The following ADGRE3 variants were observed in gnomAD, a reference collection of about 807,000 sequenced individuals.
The protein encoded by ADGRE3 is EGF-like module receptor 3.
Under a neutral mutation model 80.1 loss-of-function variants are expected in ADGRE3, and 88 were observed. The ratio of observed to expected loss-of-function variants is 1.10; its 90% CI spans 0.93 to 1.31. The LOEUF (loss-of-function observed/expected upper bound fraction) is 1.31, where lower values mean the gene tolerates loss of function less well. Ranked by LOEUF, ADGRE3 falls within the 40% of genes most tolerant of loss-of-function variation. ADGRE3 has a pLI of 0.00. For synonymous variants in ADGRE3, 281 were observed against 294.8 expected, an observed-to-expected ratio of 0.95 and a Z score of 0.48; for missense variants, 715 against 776.5, an observed-to-expected ratio of 0.92 and a Z score of 0.94.
At position 14,665,452 on chromosome 19, in the gene ADGRE3, C is replaced by T. The variant is rs115145355; in HGVS notation, c.77-1912G>A. ...CTACTGAAACAAGGGTGCAATTGAC[C>T]GTGCACGCAAGTCTTAATGCATTTT... On this transcript the variant is annotated intron_variant, in intron 2 of 15. Transcript: ENST00000253673. 2.6e-3 allele frequency among the ~76,000 whole-genome samples: 391 copies of T among 151,926 alleles called. 1 individual carries two copies. Among genetic ancestry groups the T allele is most frequent in the African/African-American group, 8.8e-3 (366 of 41,430 alleles).
chr19:14,647,169 C>T lies in ADGRE3; in HGVS notation c.882+12G>A. The stretch of plus-strand genomic sequence containing the variant: ...TGAGAACCCACAAGCTCAAATCATA[C>T]CTGTGACCCACCTTCACGTGCTGGA... On this transcript the variant is annotated intron_variant, in intron 8 of 15. Transcript: ENST00000253673. The T allele has an allele frequency of 6.2e-7, 1 of 1,612,136 alleles. No homozygotes were observed. The highest frequency in any genetic ancestry group is 1.1e-5 in the South Asian group (1 of 90,978).
chr19:14,644,015 T>C (rs1971326720), intron 9 of ADGRE3, 93 bp downstream of exon 9: 1 of 832,446 alleles, frequency 1.2e-6, no homozygotes, highest in South Asian at 4.3e-5. Context: ...TCGGCCTTTT[T>C]TCAGTTTTTT....
chr19:14,643,527 T>A (rs1015082494), intron 9 of ADGRE3, among the ~76,000 whole-genome samples: 3 of 151,996 alleles, frequency 2.0e-5, no homozygotes, highest in African/African-American at 7.2e-5. Flanking sequence ...ATGTGAATGA[T>A]CCCCCAATAC....
intron 9 of ADGRE3, among the ~76,000 whole-genome samples, chr19:14,642,212 A>T (rs990271611): frequency 6.6e-6 from 1 of 152,196 alleles, no homozygotes; most frequent in African/African-American, 2.4e-5. Flanking sequence ...ATTTTACCAC[A>T]ATCTTTACAA....
intron 4 of ADGRE3, among the ~76,000 whole-genome samples, chr19:14,661,695 C>A (rs890948914): frequency 1.3e-5 from 2 of 152,102 alleles, no homozygotes; most frequent in East Asian, 3.8e-4. Flanking sequence ...GGAAGGACTG[C>A]CGCCTGTAAA....
At position 14,658,436 on chromosome 19, in the gene ADGRE3, G is replaced by C. The variant is rs949515518; in HGVS notation, c.393+77C>G. The C allele has an allele frequency of 2.8e-6, 3 of 1,057,300 alleles. No homozygotes were observed. In the African/African-American group the frequency reaches 5.0e-5, roughly 18 times the overall value. 65.5% of individuals were successfully genotyped at this position (1,057,300 alleles called of 1,614,324 possible). On this transcript the variant is annotated intron_variant, in intron 5 of 15. Transcript: ENST00000253673. ...TTTTGCCCTAAATCCATCCCCATTT[G>C]CTCACTTTGGGCTTTGTAAATATTT... is the stretch of plus-strand genomic sequence containing the variant.
Position 14,655,114 on chromosome 19 carries a change from A to G in ADGRE3, c.445T>C (p.Trp149Arg), listed in dbSNP as rs924326951. Residue 149 changes from tryptophan to arginine, a missense_variant, in exon 6 of 16, where the codon TGG becomes CGG. Trp to Arg is a moderately radical substitution (Grantham distance 101). Transcript: ENST00000253673. The part of the protein sequence containing the change: ...FESLLTNQTL[W>R]RTEGRQEISS... Reference sequence around the variant, plus strand: ...ATTTCTTGTCTCCCTTCTGTTCTCCATAAAGTCTGATTGGTGAGAAGTGAC... The same window carrying G: ...ATTTCTTGTCTCCCTTCTGTTCTCCGTAAAGTCTGATTGGTGAGAAGTGAC... 6 of 1,613,972 alleles carry G rather than the reference A, an allele frequency of 3.7e-6. No homozygotes were observed. Among genetic ancestry groups the G allele is most frequent in the African/African-American group, 2.7e-5 (2 of 74,930 alleles).
chr19:14,611,089 A>T, the ADGRE3 span: 1 of 151,950 alleles, frequency 6.6e-6, no homozygotes, highest in Admixed American at 6.6e-5. Flanking sequence ...CTCGCACAGA[A>T]ATACATTAAG....
chr19:14,638,137 G>C lies in ADGRE3; in HGVS notation c.1452C>G (p.Ala484=). 1 of 1,614,094 alleles carries C rather than the reference G, an allele frequency of 6.2e-7. No homozygotes were observed. The highest frequency in any genetic ancestry group is 8.5e-7 in the Non-Finnish European group (1 of 1,179,970). The change falls in exon 11 of 16, where the codon GCC becomes GCG. Residue 484 remains alanine, a synonymous_variant. Coordinates refer to ENST00000253673, the MANE Select transcript of ADGRE3 (RefSeq NM_032571.5). Reference sequence around the variant, plus strand: ...CAGTTCCATAAAGGTGAGGCCAGGAGGCTGCAGAAATGGCCACAGTCACAG... The same window carrying C: ...CAGTTCCATAAAGGTGAGGCCAGGACGCTGCAGAAATGGCCACAGTCACAG... The part of the protein sequence containing the change: ...VPAVTVAISA[A]SWPHLYGTAD...
chr19:14,659,884 T>A (rs1363805828), intron 4 of ADGRE3, among the ~76,000 whole-genome samples: 1 of 150,346 alleles, frequency 6.7e-6, no homozygotes, highest in Non-Finnish European at 1.5e-5. Context: ...ACATATCTTT[T>A]ATCATCATGC....
At chr19:14,603,108 T>C in the ADGRE3 span, among the ~76,000 whole-genome samples, 1 of 152,204 alleles carries the variant, frequency 6.6e-6, no homozygotes, top group Admixed American at 6.5e-5. Flanking sequence ...CCTAACTCAG[T>C]TTCACAAGAA....
Position 14,630,140 on chromosome 19 carries a change from G to A in ADGRE3, c.1711C>T (p.Gln571Ter), listed in dbSNP as rs1408987735. 3 of 1,613,670 alleles carry A rather than the reference G, an allele frequency of 1.9e-6. No individual in the cohort carries two copies. Among genetic ancestry groups the A allele is most frequent in the African/African-American group, 2.7e-5 (2 of 74,924 alleles). The change falls in exon 14 of 16, where the codon CAG becomes TAG. Residue 571 changes from glutamine (Q) to a stop codon, truncating the protein, a stop_gained. Coordinates refer to ENST00000253673, the MANE Select transcript of ADGRE3 (RefSeq NM_032571.5). LOFTEE classifies it high-confidence loss of function. ...LGCTWCLGLL[Q>*]VGPAAQVMAY... The stretch of plus-strand genomic sequence containing the variant: ...ATGACCTGGGCAGCTGGACCCACCT[G>A]TAGCAAGCCCAGACACCATGTGCAG...
At chr19:14,602,951 TCTCGAA>T in the ADGRE3 span, among the ~76,000 whole-genome samples, 51 of 152,190 alleles carry the variant, frequency 3.4e-4, 1 homozygote, top group South Asian at 0.011. Context: ...GCCAGATTGG[TCTCGAA>T]CTCCTGACCT....
chr19:14,641,443 C>T lies in ADGRE3; in HGVS notation c.1224G>A (p.Val408=). Residue 408 remains valine (V), a synonymous_variant, in exon 10 of 16, where the codon GTG becomes GTA. Coordinates refer to ENST00000253673, the MANE Select transcript of ADGRE3 (RefSeq NM_032571.5). ...CLFLAHLLFL[V]GIDRTEPKVL... is the part of the protein sequence containing the mutation. ...CCTTGGGTTCAGTTCGATCAATCCC[C>T]ACGAGGAAGAGGAGGTGGGCCAGGA... 6.2e-7 allele frequency: 1 copy of T among 1,614,100 alleles called. No homozygotes were observed. Among genetic ancestry groups the T allele is most frequent in the South Asian group, 1.1e-5 (1 of 91,074 alleles).
At chr19:14,659,586 T>G (rs982771293) in intron 4 of ADGRE3, among the ~76,000 whole-genome samples, 16 of 151,928 alleles carry the variant, frequency 1.1e-4, no homozygotes, top group Non-Finnish European at 1.5e-4. Flanking sequence ...CTTGGGAGGC[T>G]GAGGCAGGAG....
Position 14,619,387 on chromosome 19 carries a change from G to T in ADGRE3, c.*46C>A. On this transcript the variant is annotated 3_prime_UTR_variant, in exon 16 of 16. Transcript: ENST00000253673. ...TAGCTTCATTCTTCATAATGCCAAA[G>T]AGATCCATGGATATGATTTTCCATA... The T allele has an allele frequency of 7.6e-7, 1 of 1,307,894 alleles. No individual in the cohort carries two copies. Among genetic ancestry groups the T allele is most frequent in the Non-Finnish European group, 1.1e-6 (1 of 903,414 alleles). 81.0% of individuals were successfully genotyped at this position (1,307,894 alleles called of 1,614,324 possible). A position where few individuals can be genotyped will look rare whatever the true frequency, so the allele number is the denominator to read the frequency against.
At chr19:14,631,416 A>G (rs1205714006) in intron 13 of ADGRE3, among the ~76,000 whole-genome samples, 1 of 151,376 alleles carries the variant, frequency 6.6e-6, no homozygotes, top group East Asian at 1.9e-4. Flanking sequence ...TAATAATTAC[A>G]TTGTGTCGAC....
chr19:14,621,177 G>A (rs1261324135), intron 15 of ADGRE3, among the ~76,000 whole-genome samples: 1 of 151,974 alleles, frequency 6.6e-6, no homozygotes, highest in East Asian at 1.9e-4. Context: ...CTGCCACCAT[G>A]CCCAGTGGCT....
chr19:14,644,682 AC>A (rs1163426020), intron 8 of ADGRE3, among the ~76,000 whole-genome samples: 1 of 152,016 alleles, frequency 6.6e-6, no homozygotes, highest in Non-Finnish European at 1.5e-5. Flanking sequence ...CCAGGGTGCC[AC>A]CTGCTAAGGC....
Sources: gnomAD v4.1 joint callset for allele counts (sites outside exome capture counted in the v4.1 genomes callset) on GRCh38, gnomAD v4.1.1 for gene constraint, MANE v1.5 for transcripts, NCBI Gene and HGNC (gene_info 2026-07-23, HGNC 2026-07-21) for gene names.